EXOC4: variants seen among roughly 807,000 people sequenced by gnomAD.
EXOC4 encodes SEC8-like 1.
EXOC4 carries 71 observed loss-of-function variants against 107.2 expected under a neutral mutation model. The observed-to-expected ratio is 0.66, with a 90% CI of 0.55 to 0.81. The LOEUF (loss-of-function observed/expected upper bound fraction) is 0.81, where lower values mean the gene tolerates loss of function less well. Ranked by LOEUF, EXOC4 falls within the 30% of genes least tolerant of loss-of-function variation. The pLI is 0.00. For missense variants in EXOC4, 1,108 were observed against 1,189.6 expected (o/e 0.93, Z 1.01); for synonymous variants, 456 against 441.2 (o/e 1.03, Z -0.42).
Position 133,356,706 on chromosome 7 carries a change from C to A in EXOC4, c.1007+133C>A, listed in dbSNP as rs114179172. 1.0e-4 allele frequency: 105 copies of A among 1,044,474 alleles called. No individual in the cohort carries two copies. In the African/African-American group the frequency reaches 1.4e-3, roughly 14 times the overall value. 64.7% of individuals were successfully genotyped at this position (1,044,474 alleles called of 1,614,324 possible). A position where few individuals can be genotyped will look rare whatever the true frequency, so the allele number is the denominator to read the frequency against. ...GATACTATAGCCCATACAGGCCAGG[C>A]GCAGTGGCTCACGCCTGTTATCCCA... On this transcript the variant is annotated intron_variant, in intron 6 of 17. Transcript: ENST00000253861.
intron 10 of EXOC4, among the ~76,000 whole-genome samples, chr7:133,791,850 G>A (rs1796709067): frequency 1.3e-5 from 2 of 152,090 alleles, no homozygotes. Context: ...TGAAAATGCT[G>A]CCTAATATTT....
In EXOC4 at chr7:134,065,730, G is replaced by A. The variant is rs527276862; in HGVS notation, c.*1202G>A. The A allele has an allele frequency of 2.6e-5, 4 of 152,170 alleles. No individual in the cohort carries two copies. Among genetic ancestry groups the A allele is most frequent in the Non-Finnish European group, 5.9e-5 (4 of 68,030 alleles). The allele number at this position is 152,170 out of a possible 1,614,324, so 9.4% of individuals were successfully genotyped here. On this transcript the variant is annotated 3_prime_UTR_variant, in exon 18 of 18. Transcript: ENST00000253861. Reference sequence around the variant, plus strand: ...CAACTTTGGTCTTGATGGGAAAAATGGAGAATTAAAAAGTGTTTTGAGAAG... The same window carrying A: ...CAACTTTGGTCTTGATGGGAAAAATAGAGAATTAAAAAGTGTTTTGAGAAG...
At chr7:133,823,857 ATATATATATATATAT>A (rs1797599945) in intron 11 of EXOC4, among the ~76,000 whole-genome samples, 2 of 16,446 alleles carry the variant, frequency 1.2e-4, no homozygotes, top group Non-Finnish European at 1.7e-4. Flanking sequence ...ATATATATAT[ATATATATATATATAT>A]TATATATATA....
chr7:133,644,921 A>C (rs1485495161), intron 10 of EXOC4, among the ~76,000 whole-genome samples: 1 of 151,984 alleles, frequency 6.6e-6, no homozygotes, highest in Non-Finnish European at 1.5e-5. Context: ...TGTGGTGCAA[A>C]CTATTTAAAG....
the EXOC4 span, among the ~76,000 whole-genome samples, chr7:134,073,661 A>G: frequency 7.0e-6 from 1 of 143,158 alleles, no homozygotes. Context: ...AAAATGTCAC[A>G]TTCTTTTTTT....
chr7:133,630,118 C>T lies in EXOC4; in HGVS notation c.1491C>T (p.Thr497=), dbSNP rs201636348. The change falls in exon 10 of 18, where the codon ACC becomes ACT. Residue 497 remains threonine, a synonymous_variant. Coordinates refer to ENST00000253861, the MANE Select transcript of EXOC4 (RefSeq NM_021807.4). ...GCAAACCTGGAGCCAGAAACATTAC[C>T]GTCATATTCCACCCATTACTAAGGT... is the stretch of plus-strand genomic sequence containing the variant. ...FVCKPGARNI[T]VIFHPLLRFI... 2.0e-5 allele frequency: 32 copies of T among 1,613,232 alleles called. No homozygotes were observed. In the East Asian group the frequency reaches 2.2e-4, roughly 11 times the overall value.
At chr7:133,947,452 C>T (rs964131412) in intron 14 of EXOC4, among the ~76,000 whole-genome samples, 1 of 152,184 alleles carries the variant, frequency 6.6e-6, no homozygotes, top group Non-Finnish European at 1.5e-5. Context: ...GAGAATGGGC[C>T]TGCACTGGAG....
intron 9 of EXOC4, among the ~76,000 whole-genome samples, chr7:133,542,980 A>G (rs1166525281): frequency 2.6e-5 from 4 of 152,160 alleles, no homozygotes; most frequent in African/African-American, 9.7e-5. Flanking sequence ...CCTGAAGACG[A>G]CCATAGCTAT....
intron 9 of EXOC4, among the ~76,000 whole-genome samples, chr7:133,606,794 G>A (rs1400235190): frequency 2.6e-5 from 4 of 152,058 alleles, no homozygotes; most frequent in African/African-American, 7.3e-5. Flanking sequence ...AGGATTATAG[G>A]TGTGAGCCAC....
chr7:133,491,600 A>G (rs1799372205), intron 9 of EXOC4, among the ~76,000 whole-genome samples: 1 of 152,170 alleles, frequency 6.6e-6, no homozygotes, highest in African/African-American at 2.4e-5. Context: ...ACTGGAGGTT[A>G]TGGTGTACAG....
At chr7:133,576,236 C>T (rs1801124080) in intron 9 of EXOC4, among the ~76,000 whole-genome samples, 1 of 152,040 alleles carries the variant, frequency 6.6e-6, no homozygotes, top group South Asian at 2.1e-4. Context: ...TGAATGGGTG[C>T]CAATAGTTCT....
intron 6 of EXOC4, among the ~76,000 whole-genome samples, chr7:133,372,391 A>G (rs1222352538): frequency 6.6e-6 from 1 of 152,188 alleles, no homozygotes; most frequent in African/African-American, 2.4e-5. Flanking sequence ...TCCTGTGGCT[A>G]TGATGGCCAC....
chr7:133,452,255 AT>A (rs1236877947), intron 7 of EXOC4, among the ~76,000 whole-genome samples: 1 of 152,076 alleles, frequency 6.6e-6, no homozygotes, highest in African/African-American at 2.4e-5. Context: ...TAAATATCTC[AT>A]TTTCTGGATT....
chr7:133,274,107 C>T (rs141239479), intron 1 of EXOC4, among the ~76,000 whole-genome samples: 25 of 152,332 alleles, frequency 1.6e-4, no homozygotes, highest in Middle Eastern at 3.4e-3. Context: ...GTATATCTAT[C>T]TCATTCCCTG....
intron 4 of EXOC4, among the ~76,000 whole-genome samples, chr7:133,314,844 A>G (rs1333012233): frequency 6.6e-6 from 1 of 152,226 alleles, no homozygotes; most frequent in African/African-American, 2.4e-5. Context: ...TTAAATATTT[A>G]GACAATGTAT....
At chr7:134,028,731 C>T (rs1382287627) in intron 17 of EXOC4, among the ~76,000 whole-genome samples, 1 of 152,202 alleles carries the variant, frequency 6.6e-6, no homozygotes, top group Non-Finnish European at 1.5e-5. Context: ...TACTGAGCCC[C>T]AGGAGTTTAG....
intron 14 of EXOC4, among the ~76,000 whole-genome samples, chr7:133,958,316 ATGTCT>A (rs1213599298): frequency 2.0e-5 from 3 of 151,900 alleles, no homozygotes; most frequent in Non-Finnish European, 4.4e-5. Flanking sequence ...ACAATTACTA[ATGTCT>A]TATAGTACTG....
At chr7:133,778,141 A>G (rs1299225996) in intron 10 of EXOC4, among the ~76,000 whole-genome samples, 3 of 152,200 alleles carry the variant, frequency 2.0e-5, no homozygotes, top group Admixed American at 1.3e-4. Flanking sequence ...GAAAGGTCCA[A>G]AGTATTACGA....
At chr7:133,342,534 G>A (rs1795686520) in intron 5 of EXOC4, among the ~76,000 whole-genome samples, 2 of 152,236 alleles carry the variant, frequency 1.3e-5, no homozygotes, top group African/African-American at 2.4e-5. Context: ...TTTACTGTGT[G>A]TTCTTTGAGC....
Sources: allele counts gnomAD v4.1 joint callset (sites outside exome capture counted in the v4.1 genomes callset), GRCh38; gene constraint gnomAD v4.1.1; transcripts MANE v1.5; gene names NCBI Gene and HGNC (gene_info 2026-07-23, HGNC 2026-07-21).